Variants in ZSCAN12 observed in about 807,000 individuals in gnomAD.
ZSCAN12 encodes the protein zinc finger and SCAN domain-containing protein 12.
In ZSCAN12, 18 loss-of-function variants were observed where a neutral mutation model predicts 23.4. That is an observed-to-expected ratio of 0.77 (90% confidence interval 0.53 to 1.14). ZSCAN12 has a LOEUF of 1.14. ZSCAN12 is among the 50% of genes most tolerant of loss of function. ZSCAN12 has a pLI of 0.00. For synonymous variants in ZSCAN12, 186 were observed against 253.4 expected, an observed-to-expected ratio of 0.73 and a Z score of 2.53; for missense variants, 650 against 735.0, an observed-to-expected ratio of 0.88 and a Z score of 1.34.
In ZSCAN12 at chr6:28,388,076, C is replaced by T. The variant is rs1760637928; in HGVS notation, c.*2378G>A. Among the ~76,000 whole-genome samples, 1 of 152,136 alleles carries T rather than the reference C, an allele frequency of 6.6e-6. No homozygotes were observed. The highest frequency in any genetic ancestry group is 2.1e-4 in the South Asian group (1 of 4,826). ...TTCTCATTATGTGAGAAATGGGAGG[C>T]AGGGTAAACTTAGGTAGAGCACAGG... On this transcript the variant is annotated 3_prime_UTR_variant, in exon 4 of 4. Coordinates refer to ENST00000684592, the MANE Select transcript of ZSCAN12 (RefSeq NM_001163391.2).
At chr6:28,397,716 GCTA>G (rs1761183041) in intron 2 of ZSCAN12, among the ~76,000 whole-genome samples, 1 of 152,088 alleles carries the variant, frequency 6.6e-6, no homozygotes, top group African/African-American at 2.4e-5. Context: ...TTCCCATCCT[GCTA>G]CTGTCATCTC....
Position 28,398,401 on chromosome 6 carries a change from G to A in ZSCAN12, c.5C>T (p.Ala2Val). 1 of 1,543,338 alleles carries A rather than the reference G, an allele frequency of 6.5e-7. No individual in the cohort carries two copies. ...GTGGGCCTGGATAGCCCAAGTAGAT[G>A]CCATTTTAGCTGTGCTAGAACTACC... M[A>V]STWAIQAHMD... The change falls in exon 2 of 4, where the codon GCA becomes GTA. Residue 2 changes from alanine (A) to valine (V), a missense_variant. Physicochemically the swap from Ala to Val is moderately conservative, Grantham distance 64. Transcript: ENST00000684592.
At chr6:28,397,513 A>G (rs1176722856) in intron 2 of ZSCAN12, among the ~76,000 whole-genome samples, 1 of 152,054 alleles carries the variant, frequency 6.6e-6, no homozygotes, top group Admixed American at 6.5e-5. Flanking sequence ...TCTGCTACTC[A>G]AAGAAACACA....
chr6:28,385,790 T>C lies in ZSCAN12; in HGVS notation c.*4664A>G, dbSNP rs377192666. Among the ~76,000 whole-genome samples the C allele has an allele frequency of 1.1e-4, 16 of 152,342 alleles. No individual in the cohort carries two copies. Among genetic ancestry groups the C allele is most frequent in the East Asian group, 7.7e-4 (4 of 5,190 alleles). On this transcript the variant is annotated 3_prime_UTR_variant, in exon 4 of 4. Coordinates refer to ENST00000684592, the MANE Select transcript of ZSCAN12 (RefSeq NM_001163391.2). Reference sequence around the variant, plus strand: ...AAATCCTTTTCTCAATTCCAAAAGATGGCCAATAAGAACAGCTTTGTTTTG... The same window carrying C: ...AAATCCTTTTCTCAATTCCAAAAGACGGCCAATAAGAACAGCTTTGTTTTG...
downstream of ZSCAN12, among the ~76,000 whole-genome samples, chr6:28,383,694 G>A (rs546311809): frequency 2.8e-4 from 43 of 152,298 alleles, 1 homozygote; most frequent in Non-Finnish European, 5.3e-4. Flanking sequence ...AACAGGGGCG[G>A]AGACAAAAGG....
chr6:28,398,993 G>T (rs1187377163), intron 1 of ZSCAN12, among the ~76,000 whole-genome samples: 1 of 151,516 alleles, frequency 6.6e-6, no homozygotes, highest in Admixed American at 6.6e-5. Flanking sequence ...GTGCCAAGTT[G>T]TTTCAGGACT....
chr6:28,386,420 CCCG>C lies in ZSCAN12; in HGVS notation c.*4031_*4033del, dbSNP rs1760543539. ...TTTATATTCTTCGTTTCCATCCCAC[CCCG>C]TTATTGTTATTTCAAAATCCACATA... On this transcript the variant is annotated 3_prime_UTR_variant, in exon 4 of 4. Coordinates refer to ENST00000684592, the MANE Select transcript of ZSCAN12 (RefSeq NM_001163391.2). Among the ~76,000 whole-genome samples the C allele has an allele frequency of 6.6e-6, 1 of 152,158 alleles. No individual in the cohort carries two copies. The highest frequency in any genetic ancestry group is 6.6e-5 in the Admixed American group (1 of 15,264).
Position 28,390,647 on chromosome 6 carries a change from G to C in ZSCAN12, c.1643C>G (p.Thr548Ser), listed in dbSNP as rs746949450. 2.6e-5 allele frequency: 42 copies of C among 1,613,384 alleles called. No individual in the cohort carries two copies. The highest frequency in any genetic ancestry group is 3.3e-5 in the Non-Finnish European group (39 of 1,179,742). ...TSLIQHQRIH[T>S]GEKPYQCDEC... ...ATCACATTGGTAGGGCTTCTCCCCA[G>C]TGTGGATTCTCTGATGCTGAATGAG... is the stretch of plus-strand genomic sequence containing the variant. The change falls in exon 4 of 4, where the codon ACT (threonine) becomes AGT (serine). Residue 548 changes from threonine to serine, a missense_variant. Transcript: ENST00000684592.
At chr6:28,384,446 C>T (rs1305534976), downstream of ZSCAN12, among the ~76,000 whole-genome samples, 1 of 152,110 alleles carries the variant, frequency 6.6e-6, no homozygotes, top group East Asian at 1.9e-4. Flanking sequence ...AGACATATAC[C>T]CTAGAGATTA....
At chr6:28,382,516 C>T (rs1287336859), downstream of ZSCAN12, 1 of 1,551,900 alleles carries the variant, frequency 6.4e-7, no homozygotes, top group Admixed American at 2.0e-5. Context: ...AACAAGATTG[C>T]CATTCTGGAA....
chr6:28,393,736 C>CA (rs60481063), intron 2 of ZSCAN12, among the ~76,000 whole-genome samples: 34,286 of 90,280 alleles, frequency 0.38, 5,492 homozygotes, highest in South Asian at 0.41. Flanking sequence ...ACTGTAGCTC[C>CA]AAAAAAAAAA....
Position 28,390,642 on chromosome 6 carries a change from C to T in ZSCAN12, c.1648G>A (p.Glu550Lys). The stretch of plus-strand genomic sequence containing the variant: ...CACTCATCACATTGGTAGGGCTTCT[C>T]CCCAGTGTGGATTCTCTGATGCTGA... ...LIQHQRIHTG[E>K]KPYQCDECGK... Residue 550 changes from glutamate (E) to lysine (K), a missense_variant, in exon 4 of 4, where the codon GAG becomes AAG. Coordinates refer to ENST00000684592, the MANE Select transcript of ZSCAN12 (RefSeq NM_001163391.2). 2 of 1,613,428 alleles carry T rather than the reference C, an allele frequency of 1.2e-6. No individual in the cohort carries two copies. Among genetic ancestry groups the T allele is most frequent in the African/African-American group, 2.7e-5 (2 of 75,018 alleles).
chr6:28,382,598 C>A, downstream of ZSCAN12: 1 of 1,551,526 alleles, frequency 6.4e-7, no homozygotes, highest in Non-Finnish European at 8.7e-7. Flanking sequence ...TTCCTTGTAG[C>A]TGGTCTTCTT....
downstream of ZSCAN12, chr6:28,380,724 G>A (rs1375877819): frequency 2.0e-5 from 3 of 153,720 alleles, no homozygotes; most frequent in East Asian, 5.8e-4. Flanking sequence ...GCTGAGTAAT[G>A]ACTCACCATA....
intron 2 of ZSCAN12, among the ~76,000 whole-genome samples, chr6:28,397,482 C>G (rs1162776839): frequency 2.0e-5 from 3 of 152,112 alleles, no homozygotes; most frequent in African/African-American, 7.2e-5. Context: ...TGGAATTCAC[C>G]TTTCCAACCT....
Position 28,396,794 on chromosome 6 carries a change from G to A in ZSCAN12, c.402+1210C>T, listed in dbSNP as rs541858497. On this transcript the variant is annotated intron_variant, in intron 2 of 3. Coordinates refer to ENST00000684592, the MANE Select transcript of ZSCAN12 (RefSeq NM_001163391.2). ...TGACTTTTGTATTTTTAGTAGAGAC[G>A]GGGTTTCACCATGTTGCCCAGGCTG... is the stretch of plus-strand genomic sequence containing the variant. Among the ~76,000 whole-genome samples, 496 of 152,010 alleles carry A rather than the reference G, an allele frequency of 3.3e-3. 1 individual carries two copies. Among genetic ancestry groups the A allele is most frequent in the African/African-American group, 0.011 (464 of 41,468 alleles).
At chr6:28,392,302 T>C (rs891275402) in intron 3 of ZSCAN12, among the ~76,000 whole-genome samples, 7 of 151,738 alleles carry the variant, frequency 4.6e-5, no homozygotes, top group Non-Finnish European at 1.0e-4. Flanking sequence ...CTCAGCCTCC[T>C]GAGTAGCTGG....
chr6:28,390,840 G>T lies in ZSCAN12; in HGVS notation c.1450C>A (p.Leu484Ile). Residue 484 changes from leucine to isoleucine, a missense_variant, in exon 4 of 4, where the codon CTT (leucine) becomes ATT (isoleucine). Transcript: ENST00000684592. ...CEKAFIQRTS[L>I]TEHQRIHTGE... ...GTGTGAATTCGCTGATGTTCTGTAA[G>T]ACTTGTCCTTTGAATAAAGGCTTTT... The T allele has an allele frequency of 6.3e-7, 1 of 1,592,624 alleles. No individual in the cohort carries two copies. The highest frequency in any genetic ancestry group is 2.3e-5 in the East Asian group (1 of 44,036).
In ZSCAN12 at chr6:28,391,773, C is replaced by T. The variant is rs752217315; in HGVS notation, c.548-31G>A. 1 of 1,445,252 alleles carries T rather than the reference C, an allele frequency of 6.9e-7. No individual in the cohort carries two copies. Among genetic ancestry groups the T allele is most frequent in the South Asian group, 1.4e-5 (1 of 69,782 alleles). The allele number at this position is 1,445,252 out of a possible 1,614,324, so 89.5% of individuals were successfully genotyped here. On this transcript the variant is annotated intron_variant, in intron 3 of 3. Transcript: ENST00000684592. The surrounding 1 kb of genome is among the most constrained non-coding windows in gnomAD (Gnocchi z 4.1). ...AAGGGATCATAAATGTTACCTCTTT[C>T]TACCTTTAAAATGTATCCATACATT...
Sources: gnomAD v4.1 joint callset for allele counts (sites outside exome capture counted in the v4.1 genomes callset) on GRCh38, gnomAD v4.1.1 for gene constraint, Gnocchi (gnomAD v3.1) non-coding constraint, MANE v1.5 for transcripts, NCBI Gene and HGNC (gene_info 2026-07-23, HGNC 2026-07-21) for gene names.